Variants in HELZ observed in about 807,000 individuals in gnomAD.
HELZ encodes helicase with zinc finger, also known as ATP-dependent RNA helicase with zinc finger domain.
In HELZ, 23 loss-of-function variants were observed where a neutral mutation model predicts 218.2. That is an observed-to-expected ratio of 0.11 (90% CI 0.08 to 0.15). The LOEUF (loss-of-function observed/expected upper bound fraction) is 0.15, where lower values mean the gene tolerates loss of function less well. HELZ is among the 10% of genes least tolerant of loss of function. The pLI is 1.00. For missense variants in HELZ, 1,813 were observed against 2,353.7 expected (o/e 0.77, Z 4.75); for synonymous variants, 814 against 829.4 (o/e 0.98, Z 0.32).
intron 12 of HELZ, among the ~76,000 whole-genome samples, chr17:67,180,759 T>C (rs984010318): frequency 6.6e-6 from 1 of 151,066 alleles, no homozygotes; most frequent in Non-Finnish European, 1.5e-5. Flanking sequence ...GTGCCTGTAG[T>C]CCCAGCTACT....
At chr17:67,128,383 G>C in intron 24 of HELZ, 1 of 458,120 alleles carries the variant, frequency 2.2e-6, no homozygotes, top group South Asian at 3.1e-5. Flanking sequence ...CAGTAGAGAG[G>C]ATTAGAAGGT....
chr17:67,175,768 T>G (rs1295036376), intron 13 of HELZ, among the ~76,000 whole-genome samples: 1 of 152,244 alleles, frequency 6.6e-6, no homozygotes, highest in Admixed American at 6.5e-5. Context: ...TAACTACTTG[T>G]CACATGTTAG....
At chr17:67,101,242 C>G (rs1002957634) in intron 31 of HELZ, among the ~76,000 whole-genome samples, 12 of 151,450 alleles carry the variant, frequency 7.9e-5, no homozygotes, top group African/African-American at 2.9e-4. Flanking sequence ...TAATGTATTT[C>G]AAATAAAAAG....
intron 12 of HELZ, among the ~76,000 whole-genome samples, chr17:67,185,103 T>C (rs763192743): frequency 4.5e-4 from 69 of 152,284 alleles, no homozygotes; most frequent in Non-Finnish European, 7.9e-4. Flanking sequence ...GGCTGTCAGA[T>C]TGTCACCAAT....
intron 5 of HELZ, among the ~76,000 whole-genome samples, chr17:67,213,658 C>T (rs758953620): frequency 6.6e-5 from 10 of 151,892 alleles, no homozygotes; most frequent in Non-Finnish European, 5.9e-5. Context: ...AGTGTACATA[C>T]TCCTTAACCC....
chr17:67,089,716 GAGAGAC>G (rs1300791307), intron 31 of HELZ, among the ~76,000 whole-genome samples: 2 of 140,544 alleles, frequency 1.4e-5, no homozygotes, highest in Non-Finnish European at 3.0e-5. Flanking sequence ...GAGACAGAGA[GAGAGAC>G]AGAGACAGAG....
intron 15 of HELZ, among the ~76,000 whole-genome samples, chr17:67,162,174 G>C (rs1048315392): frequency 1.3e-5 from 2 of 152,162 alleles, no homozygotes; most frequent in African/African-American, 4.8e-5. Context: ...CCAGCATTTT[G>C]GGAGGCCAAG....
In HELZ at chr17:67,149,848, C is replaced by CA. The variant is rs752516528; in HGVS notation, c.2475+18dup. The stretch of plus-strand genomic sequence containing the variant: ...TAATTAAAAGTTACTTTCAACACAG[C>CA]AACTCAGAGGGCACTTACCTGCATG... On this transcript the variant is annotated intron_variant, in intron 19 of 32. Coordinates refer to ENST00000358691, the MANE Select transcript of HELZ (RefSeq NM_014877.4). The CA allele has an allele frequency of 3.6e-6, 5 of 1,386,946 alleles. No homozygotes were observed. In the East Asian group the frequency reaches 1.2e-4, roughly 32 times the overall value. The allele number at this position is 1,386,946 out of a possible 1,614,324, so 85.9% of individuals were successfully genotyped here.
At chr17:67,226,264 A>G (rs1567908904) in intron 3 of HELZ, among the ~76,000 whole-genome samples, 3 of 151,406 alleles carry the variant, frequency 2.0e-5, no homozygotes, top group Admixed American at 6.6e-5. Flanking sequence ...TCTCAAAAAA[A>G]AAAAAAAGAA....
chr17:67,226,704 A>C (rs1273766724), intron 3 of HELZ, among the ~76,000 whole-genome samples: 2 of 152,252 alleles, frequency 1.3e-5, no homozygotes, highest in East Asian at 1.9e-4. Flanking sequence ...ACAAATGTTC[A>C]TAACAGTTCT....
rs1414614907 is a variant in HELZ, at chr17:67,167,704, A to C, written c.1523T>G (p.Phe508Cys). The C allele has an allele frequency of 6.2e-7, 1 of 1,614,058 alleles. No homozygotes were observed. Among genetic ancestry groups the C allele is most frequent in the African/African-American group, 1.3e-5 (1 of 74,930 alleles). ...GAKYAQNGQL[F>C]GRFKLTETLS... ...TGTTTCAGTAAGCTTAAAGCGACCAAAAAGTTGTCCATTCTGAGCATACTT... is the reference window on the plus strand; with the variant it reads ...TGTTTCAGTAAGCTTAAAGCGACCACAAAGTTGTCCATTCTGAGCATACTT... Residue 508 changes from phenylalanine to cysteine, a missense_variant, in exon 14 of 33, where the codon TTT becomes TGT. Coordinates refer to ENST00000358691, the MANE Select transcript of HELZ (RefSeq NM_014877.4).
chr17:67,094,805 A>AT (rs2036692642), intron 31 of HELZ, among the ~76,000 whole-genome samples: 1 of 152,174 alleles, frequency 6.6e-6, no homozygotes, highest in Non-Finnish European at 1.5e-5. Context: ...TCTTTAAGAC[A>AT]TTTTTTAAAA....
chr17:67,165,967 C>CA (rs201234744), intron 15 of HELZ, among the ~76,000 whole-genome samples: 1 of 151,636 alleles, frequency 6.6e-6, no homozygotes, highest in African/African-American at 2.4e-5. Flanking sequence ...ACCTTGTCTA[C>CA]AAAAAAAAAT....
At chr17:67,110,225 G>C (rs1354056281) in intron 28 of HELZ, among the ~76,000 whole-genome samples, 1 of 151,786 alleles carries the variant, frequency 6.6e-6, no homozygotes, top group Non-Finnish European at 1.5e-5. Context: ...GCACCACCAC[G>C]CCCAACTAAT....
intron 32 of HELZ, among the ~76,000 whole-genome samples, chr17:67,084,536 G>A (rs969305969): frequency 1.3e-5 from 2 of 151,946 alleles, no homozygotes; most frequent in Non-Finnish European, 2.9e-5. Flanking sequence ...GGTGGCGGGC[G>A]CCTGTAGTCC....
chr17:67,148,560 C>G lies in HELZ; in HGVS notation c.2621+9G>C, dbSNP rs1216673410. On this transcript the variant is annotated intron_variant, in intron 20 of 32. Transcript: ENST00000358691. Reference sequence around the variant, plus strand: ...AAAGTATGACACGGAGGGGGCAGTTCACACCTACTTGATGATAGCTTCATG... The same window carrying G: ...AAAGTATGACACGGAGGGGGCAGTTGACACCTACTTGATGATAGCTTCATG... The G allele has an allele frequency of 2.5e-6, 4 of 1,609,584 alleles. No individual in the cohort carries two copies. The Admixed American group carries it at 6.8e-5, about 27-fold the overall frequency.
At chr17:67,100,727 T>C (rs141532137) in intron 31 of HELZ, among the ~76,000 whole-genome samples, 9 of 151,964 alleles carry the variant, frequency 5.9e-5, no homozygotes, top group South Asian at 2.1e-4. Context: ...TCTAAGAATA[T>C]TGGAAATACT....
chr17:67,239,580 C>T (rs1340602571), intron 2 of HELZ, 91 bp from the exon 3 acceptor site: 2 of 152,064 alleles, frequency 1.3e-5, no homozygotes, highest in Admixed American at 6.5e-5. Flanking sequence ...TCCAATATTC[C>T]CAGCATATGG....
intron 19 of HELZ, 59 bp from the exon 20 acceptor site, chr17:67,148,773 C>T: frequency 6.8e-7 from 1 of 1,473,126 alleles, no homozygotes; most frequent in Non-Finnish European, 9.1e-7. Flanking sequence ...TATTTTTTAA[C>T]CTACTTATAA....
Sources: gnomAD v4.1 joint callset for allele counts (sites outside exome capture counted in the v4.1 genomes callset) on GRCh38, gnomAD v4.1.1 for gene constraint, MANE v1.5 for transcripts, NCBI Gene and HGNC (gene_info 2026-07-23, HGNC 2026-07-21) for gene names.